Variants in CCNH observed in about 807,000 individuals in gnomAD.
CCNH encodes cyclin H.
Under a neutral mutation model 41.9 loss-of-function variants are expected in CCNH, and 31 were observed. That is an observed-to-expected ratio of 0.74 (90% CI 0.56 to 1.00). The LOEUF is 1.00. Among genes scored for constraint, CCNH ranks in the 50% least tolerant of loss-of-function variants. The pLI is 0.00. For synonymous variants in CCNH, 138 were observed against 136.1 expected (o/e 1.01, Z -0.10); for missense variants, 362 against 388.4 (o/e 0.93, Z 0.57).
At chr5:87,336,729 CT>C (rs1272909933) in intron 9 of CCNH, among the ~76,000 whole-genome samples, 1 of 152,050 alleles carries the variant, frequency 6.6e-6, no homozygotes, top group Non-Finnish European at 1.5e-5. Flanking sequence ...GTGCACCCTC[CT>C]TTTACTCATA....
upstream of CCNH, chr5:87,377,293 C>T (rs1376892876): frequency 8.0e-6 from 4 of 499,444 alleles, no homozygotes; most frequent in East Asian, 3.8e-5. Flanking sequence ...TCTGTGTCTA[C>T]ATCAATGGCT....
At chr5:87,401,138 C>T (rs892872085) in intron 6 of CCNH, among the ~76,000 whole-genome samples, 18 of 152,236 alleles carry the variant, frequency 1.2e-4, no homozygotes, top group Non-Finnish European at 2.2e-4. Flanking sequence ...CTAGAAGGGC[C>T]ATACTCTCTC....
chr5:87,397,514 T>C (rs1293606297), intron 7 of CCNH, among the ~76,000 whole-genome samples: 3 of 152,214 alleles, frequency 2.0e-5, no homozygotes, highest in African/African-American at 4.8e-5. Context: ...CTGAATCTAA[T>C]AAAACTTGAG....
At chr5:87,370,282 A>G (rs1432666799) in intron 9 of CCNH, among the ~76,000 whole-genome samples, 1 of 152,178 alleles carries the variant, frequency 6.6e-6, no homozygotes, top group Non-Finnish European at 1.5e-5. Flanking sequence ...GTTGAACTCC[A>G]TGTCTGAAAA....
At chr5:87,329,295 A>G (rs1191134593) in intron 9 of CCNH, among the ~76,000 whole-genome samples, 1 of 150,328 alleles carries the variant, frequency 6.7e-6, no homozygotes, top group African/African-American at 2.4e-5. Context: ...AAAAAAAAAA[A>G]GCTGGATGTG....
intron 9 of CCNH, among the ~76,000 whole-genome samples, chr5:87,341,038 G>A (rs1758397725): frequency 1.3e-5 from 2 of 151,932 alleles, no homozygotes; most frequent in Admixed American, 1.3e-4. Flanking sequence ...GAGTGGTGGA[G>A]TAGGACATAA....
intron 9 of CCNH, among the ~76,000 whole-genome samples, chr5:87,329,442 TAAAAC>T (rs956930956): frequency 1.4e-4 from 21 of 152,040 alleles, no homozygotes; most frequent in South Asian, 6.2e-4. Context: ...ACTCCCGTCT[TAAAAC>T]AAAACAAAAC....
intron 6 of CCNH, among the ~76,000 whole-genome samples, chr5:87,400,889 AT>A (rs1172588607): frequency 6.6e-6 from 1 of 152,236 alleles, no homozygotes; most frequent in Non-Finnish European, 1.5e-5. Flanking sequence ...AATCCAGCCA[AT>A]AAGTAAAGTA....
chr5:87,328,104 ACTT>A (rs977101131), intron 9 of CCNH, among the ~76,000 whole-genome samples: 1 of 152,220 alleles, frequency 6.6e-6, no homozygotes, highest in Non-Finnish European at 1.5e-5. Context: ...ATGAGTCAAC[ACTT>A]CTTCTTTCAT....
intron 9 of CCNH, among the ~76,000 whole-genome samples, chr5:87,338,536 A>ATATATATATTTTTTTTTTTTTTT: frequency 1.2e-5 from 1 of 85,216 alleles, no homozygotes; most frequent in African/African-American, 4.4e-5. Context: ...TATATATAAA[A>ATATATATATTTTTTTTTTTTTTT]TTTTTTTTTT....
chr5:87,361,567 A>G (rs972958131), intron 9 of CCNH, among the ~76,000 whole-genome samples: 30 of 152,318 alleles, frequency 2.0e-4, no homozygotes, highest in African/African-American at 6.5e-4. Flanking sequence ...ACTGAGTCCA[A>G]TTGACCTTAA....
At chr5:87,311,836 A>G in the CCNH span, among the ~76,000 whole-genome samples, 1 of 152,166 alleles carries the variant, frequency 6.6e-6, no homozygotes, top group Non-Finnish European at 1.5e-5. Context: ...TTGTTAGCAT[A>G]ATCTGTATGG....
intron 9 of CCNH, chr5:87,353,161 G>A (rs1280718228): frequency 6.2e-7 from 1 of 1,607,300 alleles, no homozygotes; most frequent in Non-Finnish European, 8.5e-7. Context: ...TAACAGCATT[G>A]GGGACATCAT....
downstream of CCNH, chr5:87,389,462 C>A: frequency 6.2e-7 from 1 of 1,614,180 alleles, no homozygotes; most frequent in Non-Finnish European, 8.5e-7. Flanking sequence ...AGCAGCATTG[C>A]ATGAGATTTG....
intron 9 of CCNH, among the ~76,000 whole-genome samples, chr5:87,328,379 T>C (rs1388784471): frequency 6.6e-6 from 1 of 152,184 alleles, no homozygotes; most frequent in South Asian, 2.1e-4. Context: ...TAAAGAGATA[T>C]AATAAGGCTT....
At chr5:87,329,295 A>T (rs1191134593) in intron 9 of CCNH, among the ~76,000 whole-genome samples, 1 of 150,328 alleles carries the variant, frequency 6.7e-6, no homozygotes, top group Non-Finnish European at 1.5e-5. Context: ...AAAAAAAAAA[A>T]GCTGGATGTG....
chr5:87,346,735 A>G, intron 9 of CCNH: 1 of 1,526,022 alleles, frequency 6.6e-7, no homozygotes, highest in Non-Finnish European at 9.1e-7. Flanking sequence ...GTACTTACAT[A>G]TTTACTTGCT....
chr5:87,395,309 C>A (rs1378101970), intron 7 of CCNH, among the ~76,000 whole-genome samples: 2 of 152,024 alleles, frequency 1.3e-5, no homozygotes, highest in Non-Finnish European at 2.9e-5. Context: ...CTAATTAAAA[C>A]CCTAATAAAA....
intron 1 of CCNH, 65 bp from the exon 2 acceptor site, chr5:87,411,411 T>C: frequency 3.4e-6 from 5 of 1,484,038 alleles, no homozygotes; most frequent in Non-Finnish European, 4.5e-6. Flanking sequence ...GTAAAACATT[T>C]TTCTCTATCT....
Sources: allele counts gnomAD v4.1 joint callset (sites outside exome capture counted in the v4.1 genomes callset), GRCh38; gene constraint gnomAD v4.1.1; transcripts MANE v1.5; gene names NCBI Gene and HGNC (gene_info 2026-07-23, HGNC 2026-07-21).